Variants in HCRTR2 observed in about 807,000 individuals in gnomAD.
The protein encoded by HCRTR2 is orexin receptor type 2.
In HCRTR2, 22 loss-of-function variants were observed where a neutral mutation model predicts 49.0. The ratio of observed to expected loss-of-function variants is 0.45; its 90% confidence interval spans 0.32 to 0.64. The LOEUF is 0.64. Among genes scored for constraint, HCRTR2 ranks in the 30% least tolerant of loss-of-function variants. The pLI is 0.04. For synonymous variants in HCRTR2, 236 were observed against 205.3 expected (o/e 1.15, Z -1.28); for missense variants, 491 against 559.4 (o/e 0.88, Z 1.23).
intron 1 of HCRTR2, among the ~76,000 whole-genome samples, chr6:55,203,349 A>G (rs1165720253): frequency 2.6e-5 from 4 of 152,164 alleles, no homozygotes; most frequent in Non-Finnish European, 5.9e-5. Context: ...TATTACAACC[A>G]TAGCTTGGGG....
intron 1 of HCRTR2, among the ~76,000 whole-genome samples, chr6:55,202,936 A>G (rs946883026): frequency 6.6e-6 from 1 of 152,178 alleles, no homozygotes; most frequent in African/African-American, 2.4e-5. Flanking sequence ...AGCAGCTCCA[A>G]TTTTATCTGT....
At chr6:55,202,178 T>G (rs547370725) in intron 1 of HCRTR2, among the ~76,000 whole-genome samples, 176 of 152,316 alleles carry the variant, frequency 1.2e-3, no homozygotes, top group African/African-American at 4.0e-3. Flanking sequence ...TTTGGTGATC[T>G]TAATAAAATA....
upstream of HCRTR2, chr6:55,174,336 A>G (rs1241217322): frequency 3.8e-6 from 2 of 533,302 alleles, no homozygotes; most frequent in Admixed American, 3.1e-5. Flanking sequence ...TGCAGCCTCC[A>G]GTGCCGGGTC....
At chr6:55,282,898 T>TA (rs879514578), downstream of HCRTR2, among the ~76,000 whole-genome samples, 4 of 152,066 alleles carry the variant, frequency 2.6e-5, no homozygotes, top group Non-Finnish European at 4.4e-5. Context: ...ATAGTTTTTT[T>TA]AAAAAAAATC....
chr6:55,217,121 T>C (rs1765801534), intron 1 of HCRTR2, among the ~76,000 whole-genome samples: 1 of 152,156 alleles, frequency 6.6e-6, no homozygotes, highest in Admixed American at 6.6e-5. Flanking sequence ...TGAGCAGCCC[T>C]GGGCAGCAAG....
rs1029406325 is a variant in HCRTR2, at chr6:55,231,647, T to C, written c.224-16992T>C. 3.3e-5 allele frequency among the ~76,000 whole-genome samples: 5 copies of C among 152,054 alleles called. No homozygotes were observed. In the South Asian group the frequency reaches 8.3e-4, roughly 25 times the overall value. On this transcript the variant is annotated intron_variant, in intron 1 of 6. Transcript: ENST00000370862. The stretch of plus-strand genomic sequence containing the variant: ...ATAAAGACCTACTCCATCCAAAAAA[T>C]TGAGTGAAATAAAAAGAAATTGACT...
intron 1 of HCRTR2, among the ~76,000 whole-genome samples, chr6:55,152,421 AT>A (rs1447119888): frequency 6.6e-5 from 10 of 151,858 alleles, no homozygotes; most frequent in East Asian, 3.9e-4. Context: ...TTTAATTGGT[AT>A]TTTTTTGTTT....
At position 55,174,617 on chromosome 6, in the gene HCRTR2, C is replaced by T. The variant is rs143272352; in HGVS notation, c.30C>T (p.Pro10=). MSGTKLEDS[P]PCRNWSSASE... is the part of the protein sequence containing the mutation. Reference sequence around the variant, plus strand: ...CCGGCACCAAATTGGAGGACTCCCCCCCTTGTCGCAACTGGTCATCTGCTT... The same window carrying T: ...CCGGCACCAAATTGGAGGACTCCCCTCCTTGTCGCAACTGGTCATCTGCTT... The change falls in exon 1 of 7, where the codon CCC becomes CCT. Residue 10 remains proline (P), a synonymous_variant. Transcript: ENST00000370862. The T allele has an allele frequency of 2.1e-4, 342 of 1,613,928 alleles. 2 individuals carry two copies. The Middle Eastern group carries it at 2.3e-3, about 11-fold the overall frequency.
intron 1 of HCRTR2, among the ~76,000 whole-genome samples, chr6:55,132,742 T>C (rs1764375973): frequency 9.8e-6 from 1 of 101,902 alleles, no homozygotes; most frequent in Non-Finnish European, 2.0e-5. Context: ...CCTCTCCCTC[T>C]CTCTCTCTCT....
chr6:55,245,839 A>G (rs1766432980), intron 1 of HCRTR2, among the ~76,000 whole-genome samples: 1 of 151,942 alleles, frequency 6.6e-6, no homozygotes, highest in South Asian at 2.1e-4. Context: ...TTTGATTTGA[A>G]TTGTGTTTCT....
intron 1 of HCRTR2, among the ~76,000 whole-genome samples, chr6:55,155,324 A>G (rs1764716348): frequency 6.6e-6 from 1 of 151,970 alleles, no homozygotes; most frequent in Admixed American, 6.6e-5. Flanking sequence ...GTCTCTTCCA[A>G]ATTTCAAAGC....
chr6:55,172,840 G>C (rs1193788867), upstream of HCRTR2, among the ~76,000 whole-genome samples: 2 of 152,144 alleles, frequency 1.3e-5, no homozygotes, highest in African/African-American at 4.8e-5. Context: ...GGGTGGGGTA[G>C]TTAACTAAAT....
chr6:55,137,051 A>C (rs1764443387), intron 1 of HCRTR2, among the ~76,000 whole-genome samples: 1 of 152,200 alleles, frequency 6.6e-6, no homozygotes, highest in African/African-American at 2.4e-5. Context: ...GGAACCAGAA[A>C]GGGAGGAGAA....
At chr6:55,204,031 T>A (rs1765557319) in intron 1 of HCRTR2, among the ~76,000 whole-genome samples, 1 of 152,188 alleles carries the variant, frequency 6.6e-6, no homozygotes, top group African/African-American at 2.4e-5. Flanking sequence ...CTTACCCTTC[T>A]CTGTTCAATA....
Position 55,248,455 on chromosome 6 carries a change from A to G in HCRTR2, c.224-184A>G, listed in dbSNP as rs541542537. On this transcript the variant is annotated intron_variant, in intron 1 of 6. Coordinates refer to ENST00000370862, the MANE Select transcript of HCRTR2 (RefSeq NM_001384272.1). ...GAGAAATGTCATGCAAGGTAAATGA[A>G]CTGATTTTAAGCATGTACTTAGCAT... 4.0e-4 allele frequency among the ~76,000 whole-genome samples: 61 copies of G among 152,276 alleles called. 1 individual carries two copies. The highest frequency in any genetic ancestry group is 1.3e-3 in the African/African-American group (55 of 41,562).
chr6:55,157,871 G>A (rs1764751342), intron 1 of HCRTR2, among the ~76,000 whole-genome samples: 2 of 152,184 alleles, frequency 1.3e-5, no homozygotes, highest in African/African-American at 2.4e-5. Context: ...TAACACTCAA[G>A]TCCCATTTGA....
intron 1 of HCRTR2, among the ~76,000 whole-genome samples, chr6:55,139,865 T>G (rs1468143763): frequency 6.6e-6 from 1 of 152,196 alleles, no homozygotes; most frequent in Non-Finnish European, 1.5e-5. Flanking sequence ...GATGACCATT[T>G]GAGATTTTTT....
upstream of HCRTR2, among the ~76,000 whole-genome samples, chr6:55,173,332 G>A (rs986195322): frequency 6.6e-6 from 1 of 152,198 alleles, no homozygotes; most frequent in Admixed American, 6.5e-5. Context: ...CAAGCTAGAT[G>A]GGGACATGTC....
At chr6:55,247,424 C>T (rs915398878) in intron 1 of HCRTR2, among the ~76,000 whole-genome samples, 8 of 152,082 alleles carry the variant, frequency 5.3e-5, no homozygotes, top group African/African-American at 1.9e-4. Flanking sequence ...ATAAATGTTA[C>T]ATAATTGTCC....
Sources: gnomAD v4.1 joint callset for allele counts (sites outside exome capture counted in the v4.1 genomes callset) on GRCh38, gnomAD v4.1.1 for gene constraint, MANE v1.5 for transcripts, NCBI Gene and HGNC (gene_info 2026-07-23, HGNC 2026-07-21) for gene names.